Variants in FRMD4A observed in about 807,000 individuals in gnomAD.
FRMD4A encodes the protein FERM domain-containing protein 4A.
FRMD4A carries 29 observed loss-of-function variants against 129.1 expected under a neutral mutation model. The observed-to-expected ratio is 0.22, with a 90% CI of 0.17 to 0.31. The LOEUF (loss-of-function observed/expected upper bound fraction) is 0.31. FRMD4A is among the 10% of genes least tolerant of loss of function. FRMD4A has a pLI of 1.00. For missense variants in FRMD4A, 1,272 were observed against 1,375.8 expected (o/e 0.92, Z 1.19); for synonymous variants, 634 against 571.6 (o/e 1.11, Z -1.56).
In FRMD4A at chr10:13,877,041, C is replaced by A. The variant is rs183024887; in HGVS notation, c.46-18129G>T. 1.9e-3 allele frequency among the ~76,000 whole-genome samples: 282 copies of A among 152,196 alleles called. 2 individuals carry two copies. The highest frequency in any genetic ancestry group is 3.4e-3 in the Middle Eastern group (1 of 294). Reference sequence around the variant, plus strand: ...GATCTGCCCTCAGTGATGGGTGAAGCCACATAGATAAGAGTTGGGGAATGG... The same window carrying A: ...GATCTGCCCTCAGTGATGGGTGAAGACACATAGATAAGAGTTGGGGAATGG... On this transcript the variant is annotated intron_variant, in intron 2 of 24. Transcript: ENST00000357447.
At chr10:13,699,397 T>C (rs966471164) in intron 14 of FRMD4A, among the ~76,000 whole-genome samples, 23 of 152,212 alleles carry the variant, frequency 1.5e-4, no homozygotes, top group African/African-American at 5.1e-4. Flanking sequence ...TTTTGAGATA[T>C]ACTTGCTGTG....
At chr10:13,881,692 C>A (rs1488679522) in intron 2 of FRMD4A, among the ~76,000 whole-genome samples, 1 of 151,984 alleles carries the variant, frequency 6.6e-6, no homozygotes, top group Admixed American at 6.6e-5. Context: ...GTGCTGTCAA[C>A]GACAAAGAAG....
intron 2 of FRMD4A, among the ~76,000 whole-genome samples, chr10:14,282,430 C>T (rs1845551757): frequency 6.6e-6 from 1 of 152,166 alleles, no homozygotes; most frequent in Non-Finnish European, 1.5e-5. Context: ...TAATAGTCTC[C>T]AGGCAAGTGC....
chr10:13,846,437 T>A (rs1390736888), intron 3 of FRMD4A, among the ~76,000 whole-genome samples: 3 of 152,170 alleles, frequency 2.0e-5, no homozygotes, highest in Non-Finnish European at 1.5e-5. Flanking sequence ...TCCCTGTCAG[T>A]GGGCTTGGGG....
chr10:14,036,942 TG>T (rs1565202395), intron 2 of FRMD4A, among the ~76,000 whole-genome samples: 2 of 152,200 alleles, frequency 1.3e-5, no homozygotes, highest in African/African-American at 2.4e-5. Context: ...GAAACTCTTT[TG>T]TTACTATTTT....
intron 2 of FRMD4A, among the ~76,000 whole-genome samples, chr10:14,036,143 A>G (rs1244511114): frequency 6.6e-6 from 1 of 152,186 alleles, no homozygotes; most frequent in Non-Finnish European, 1.5e-5. Context: ...AGTGCCTTAG[A>G]AAGTCCACGT....
intron 2 of FRMD4A, among the ~76,000 whole-genome samples, chr10:14,024,412 A>G (rs983174211): frequency 6.6e-6 from 1 of 152,206 alleles, no homozygotes; most frequent in African/African-American, 2.4e-5. Context: ...CTTGGCAGCC[A>G]AAGTCATGAT....
intron 2 of FRMD4A, among the ~76,000 whole-genome samples, chr10:13,861,371 C>T (rs779255551): frequency 3.9e-5 from 6 of 152,196 alleles, no homozygotes; most frequent in Non-Finnish European, 7.4e-5. Flanking sequence ...TATCTTATTC[C>T]TTCCTCAAAA....
intron 14 of FRMD4A, among the ~76,000 whole-genome samples, chr10:13,700,031 C>T (rs555944768): frequency 1.2e-4 from 19 of 152,190 alleles, no homozygotes; most frequent in Admixed American, 2.0e-4. Flanking sequence ...GATAAAATGA[C>T]GGCTGCGGGG....
Position 14,041,091 on chromosome 10 carries a change from C to T in FRMD4A, c.46-182179G>A, listed in dbSNP as rs78564933. Among the ~76,000 whole-genome samples, 33 of 152,314 alleles carry T rather than the reference C, an allele frequency of 2.2e-4. No homozygotes were observed. The East Asian group carries it at 6.4e-3, about 29-fold the overall frequency. ...TATCATAATGAAGCTTTTAAAATGG[C>T]AACTTGCAGTACTTTGAAAAAGTCG... On this transcript the variant is annotated intron_variant, in intron 2 of 24. Coordinates refer to ENST00000357447, the MANE Select transcript of FRMD4A (RefSeq NM_018027.5).
At chr10:14,030,096 T>TGGA (rs1296052392) in intron 2 of FRMD4A, among the ~76,000 whole-genome samples, 1 of 152,086 alleles carries the variant, frequency 6.6e-6, no homozygotes, top group African/African-American at 2.4e-5. Context: ...TTCCAGGAGC[T>TGGA]GGAGGAGGGG....
intron 6 of FRMD4A, among the ~76,000 whole-genome samples, chr10:13,764,833 C>A (rs2092222588): frequency 6.6e-6 from 1 of 152,180 alleles, no homozygotes; most frequent in East Asian, 1.9e-4. Context: ...GACCAGCCAG[C>A]CTGACCCTGT....
At chr10:13,691,342 T>C (rs1428346866) in intron 15 of FRMD4A, among the ~76,000 whole-genome samples, 1 of 152,198 alleles carries the variant, frequency 6.6e-6, no homozygotes, top group Non-Finnish European at 1.5e-5. Context: ...GGTTTGGGGC[T>C]CCTGTTCACA....
At chr10:13,752,565 C>T (rs141657845) in intron 8 of FRMD4A, among the ~76,000 whole-genome samples, 29 of 152,284 alleles carry the variant, frequency 1.9e-4, no homozygotes, top group African/African-American at 3.6e-4. Context: ...TAAAACCAGT[C>T]GTTTCTGTCT....
intron 2 of FRMD4A, among the ~76,000 whole-genome samples, chr10:14,089,630 C>CAAAAAAAAAAAAAAAAA (rs59553317): frequency 2.3e-5 from 3 of 130,776 alleles, no homozygotes; most frequent in East Asian, 2.3e-4. Flanking sequence ...AAAAAAAAAA[C>CAAAAAAAAAAAAAAAAA]AAAAAAAAAC....
intron 2 of FRMD4A, among the ~76,000 whole-genome samples, chr10:14,301,365 G>T (rs1361146548): frequency 6.6e-6 from 1 of 152,188 alleles, no homozygotes; most frequent in African/African-American, 2.4e-5. Context: ...CCTCAAACTT[G>T]CAATTGTTGT....
rs181782985 is a variant in FRMD4A, at chr10:14,179,914, G to C, written c.45+150144C>G. 6.9e-3 allele frequency among the ~76,000 whole-genome samples: 1,050 copies of C among 152,232 alleles called. 9 individuals carry two copies. Among genetic ancestry groups the C allele is most frequent in the African/African-American group, 0.021 (887 of 41,540 alleles). On this transcript the variant is annotated intron_variant, in intron 2 of 24. Transcript: ENST00000357447. ...CTGGGTATGGTGGTGCACATCTATA[G>C]TCCCAGCTACTCAGGAGGCTGATGC...
At chr10:14,214,338 G>A (rs565923452) in intron 2 of FRMD4A, among the ~76,000 whole-genome samples, 1 of 152,292 alleles carries the variant, frequency 6.6e-6, no homozygotes, top group East Asian at 1.9e-4. Flanking sequence ...CAGTCATGCT[G>A]CATGAAGTCC....
At chr10:13,690,053 G>C (rs1045528084) in intron 15 of FRMD4A, among the ~76,000 whole-genome samples, 3 of 152,138 alleles carry the variant, frequency 2.0e-5, no homozygotes, top group East Asian at 1.9e-4. Flanking sequence ...CTAACAAGGA[G>C]GTGAAAGAGA....
Sources: gnomAD v4.1 joint callset for allele counts (sites outside exome capture counted in the v4.1 genomes callset) on GRCh38, gnomAD v4.1.1 for gene constraint, MANE v1.5 for transcripts, NCBI Gene and HGNC (gene_info 2026-07-23, HGNC 2026-07-21) for gene names.